WWOX: variants seen among roughly 807,000 people sequenced by gnomAD.
The protein encoded by WWOX is WW domain containing oxidoreductase.
In WWOX, 69 loss-of-function variants were observed where a neutral mutation model predicts 46.2. That is an observed-to-expected ratio of 1.49 (90% CI 1.23 to 1.82). WWOX has a LOEUF of 1.82. Among genes scored for constraint, WWOX ranks in the 40% most tolerant of loss-of-function variants. WWOX has a pLI of 0.00. For missense variants in WWOX, 919 were observed against 542.6 expected, an observed-to-expected ratio of 1.69 and a Z score of -6.89; for synonymous variants, 359 against 202.6, an observed-to-expected ratio of 1.77 and a Z score of -6.56.
intron 5 of WWOX, among the ~76,000 whole-genome samples, chr16:78,281,616 G>A (rs1251994403): frequency 1.3e-5 from 2 of 152,126 alleles, no homozygotes; most frequent in African/African-American, 2.4e-5. Flanking sequence ...GCGAAAACAG[G>A]CATAAACGAC....
chr16:78,390,096 T>G (rs980156666), intron 6 of WWOX, among the ~76,000 whole-genome samples: 7 of 152,210 alleles, frequency 4.6e-5, no homozygotes, highest in African/African-American at 1.7e-4. Flanking sequence ...TGAGTGACTT[T>G]CGCAGGGTCA....
intron 1 of WWOX, among the ~76,000 whole-genome samples, chr16:78,104,189 C>T (rs2031984492): frequency 6.6e-6 from 1 of 150,948 alleles, no homozygotes; most frequent in Non-Finnish European, 1.5e-5. Context: ...GCTGTCCTCA[C>T]CGTGAAGTCT....
chr16:78,421,703 G>A (rs1273350249), intron 6 of WWOX, among the ~76,000 whole-genome samples: 3 of 152,090 alleles, frequency 2.0e-5, no homozygotes, highest in Non-Finnish European at 2.9e-5. Flanking sequence ...AAATGGGGAA[G>A]CATTTTATAT....
At chr16:78,568,784 TA>T (rs1400071043) in intron 8 of WWOX, among the ~76,000 whole-genome samples, 10 of 152,198 alleles carry the variant, frequency 6.6e-5, no homozygotes, top group Non-Finnish European at 1.3e-4. Flanking sequence ...CCCAACTTCT[TA>T]AAAGCCAGAA....
chr16:78,424,157 G>T (rs1194688002), intron 6 of WWOX, among the ~76,000 whole-genome samples: 2 of 111,412 alleles, frequency 1.8e-5, no homozygotes, highest in Non-Finnish European at 3.4e-5. Flanking sequence ...TTGCTCTGTT[G>T]GTCAGGCTGG....
intron 8 of WWOX, among the ~76,000 whole-genome samples, chr16:79,009,909 A>C (rs909532804): frequency 1.3e-5 from 2 of 152,206 alleles, no homozygotes; most frequent in Non-Finnish European, 2.9e-5. Flanking sequence ...GAACTTATCA[A>C]GTTGAGAGAG....
intron 5 of WWOX, among the ~76,000 whole-genome samples, chr16:78,259,106 T>G (rs34845496): frequency 0.06 from 9,109 of 152,264 alleles, 450 homozygotes; most frequent in East Asian, 0.25. Context: ...TGTGTTTGAG[T>G]TAGAAATAGA....
intron 8 of WWOX, among the ~76,000 whole-genome samples, chr16:78,499,565 A>T (rs114131776): frequency 1.0e-3 from 159 of 152,262 alleles, no homozygotes; most frequent in African/African-American, 3.7e-3. Context: ...CGGGCGGTGG[A>T]CGGGCTTCCT....
At chr16:78,878,404 C>T (rs1443674157) in intron 8 of WWOX, among the ~76,000 whole-genome samples, 1 of 152,136 alleles carries the variant, frequency 6.6e-6, no homozygotes, top group Non-Finnish European at 1.5e-5. Flanking sequence ...AACAAATTGA[C>T]CTCTCTAAGC....
At chr16:78,501,887 G>A (rs2085078999) in intron 8 of WWOX, among the ~76,000 whole-genome samples, 1 of 152,082 alleles carries the variant, frequency 6.6e-6, no homozygotes, top group African/African-American at 2.4e-5. Context: ...GTTGCGGTGG[G>A]GTTGGGGTGG....
intron 5 of WWOX, among the ~76,000 whole-genome samples, chr16:78,175,461 G>A (rs1019605942): frequency 2.6e-5 from 4 of 152,124 alleles, no homozygotes; most frequent in Non-Finnish European, 5.9e-5. Context: ...AGAAATGGCC[G>A]GGTATGACTC....
At chr16:78,455,228 C>G (rs74028008) in intron 8 of WWOX, among the ~76,000 whole-genome samples, 5 of 152,034 alleles carry the variant, frequency 3.3e-5, no homozygotes, top group Non-Finnish European at 5.9e-5. Context: ...TTGACACAAA[C>G]GAGAGAATTT....
At chr16:78,985,503 C>A (rs1315441102) in intron 8 of WWOX, among the ~76,000 whole-genome samples, 1 of 152,176 alleles carries the variant, frequency 6.6e-6, no homozygotes, top group Non-Finnish European at 1.5e-5. Flanking sequence ...GGCGCGGTGG[C>A]TCACGCTGTA....
At chr16:78,507,415 C>T (rs2085237179) in intron 8 of WWOX, among the ~76,000 whole-genome samples, 1 of 152,144 alleles carries the variant, frequency 6.6e-6, no homozygotes, top group Non-Finnish European at 1.5e-5. Context: ...ATAGAATATT[C>T]TAGTTTATAT....
chr16:79,153,966 T>C lies in WWOX; in HGVS notation c.1057-57642T>C, dbSNP rs548294877. Among the ~76,000 whole-genome samples the C allele has an allele frequency of 9.9e-5, 15 of 152,260 alleles. No individual in the cohort carries two copies. In the South Asian group the frequency reaches 3.1e-3, roughly 32 times the overall value. On this transcript the variant is annotated intron_variant, in intron 8 of 8. Coordinates refer to ENST00000566780, the MANE Select transcript of WWOX (RefSeq NM_016373.4). ...CAATTTCTTGTCCTGCCTCCCGTGA[T>C]GCTAGCCATGGATGCACCCCAGAAG...
chr16:78,554,027 G>C, intron 8 of WWOX, among the ~76,000 whole-genome samples: 1 of 152,080 alleles, frequency 6.6e-6, no homozygotes, highest in Admixed American at 6.5e-5. Context: ...CGTCAAGCAG[G>C]GAGGCAACAA....
intron 7 of WWOX, among the ~76,000 whole-genome samples, chr16:78,427,139 T>C (rs769985143): frequency 1.3e-5 from 2 of 152,154 alleles, no homozygotes; most frequent in Non-Finnish European, 2.9e-5. Flanking sequence ...AACCATGCTG[T>C]AAAATGCAAG....
intron 8 of WWOX, among the ~76,000 whole-genome samples, chr16:78,678,988 A>G (rs1469059011): frequency 6.6e-6 from 1 of 152,116 alleles, no homozygotes; most frequent in African/African-American, 2.4e-5. Flanking sequence ...TTTTCCTCCC[A>G]CAACCATATT....
chr16:78,970,143 G>A (rs965322718), intron 8 of WWOX, among the ~76,000 whole-genome samples: 4 of 152,136 alleles, frequency 2.6e-5, no homozygotes, highest in African/African-American at 9.7e-5. Flanking sequence ...GTAGCACATC[G>A]TGGAATGGGC....
Sources: gnomAD v4.1 joint callset for allele counts (sites outside exome capture counted in the v4.1 genomes callset) on GRCh38, gnomAD v4.1.1 for gene constraint, MANE v1.5 for transcripts, NCBI Gene and HGNC (gene_info 2026-07-23, HGNC 2026-07-21) for gene names.